Variants in MXRA7 observed in about 807,000 individuals in gnomAD.
MXRA7 encodes the protein matrix-remodeling-associated protein 7.
MXRA7 carries 18 observed loss-of-function variants against 17.4 expected under a neutral mutation model. That is an observed-to-expected ratio of 1.03 (90% confidence interval 0.71 to 1.53). The LOEUF (loss-of-function observed/expected upper bound fraction) is 1.53. MXRA7 is among the 40% of genes most tolerant of loss of function. The probability of loss-of-function intolerance (pLI) is 0.00; values close to 1 mark genes in which losing one functional copy is unlikely to be tolerated. For synonymous variants in MXRA7, 70 were observed against 101.7 expected (o/e 0.69, Z 1.87); for missense variants, 141 against 209.3 (o/e 0.67, Z 2.01).
At chr17:76,675,452 C>T, downstream of MXRA7, 1 of 128,940 alleles carries the variant, frequency 7.8e-6, no homozygotes, top group Non-Finnish European at 1.5e-5. Context: ...GGCTAGAGTG[C>T]AGTGGCGCGA....
chr17:76,682,499 T>A (rs1168887541), intron 3 of MXRA7, among the ~76,000 whole-genome samples: 2 of 152,130 alleles, frequency 1.3e-5, no homozygotes, highest in Non-Finnish European at 2.9e-5. Flanking sequence ...CAGAACTGTC[T>A]CACAGCTGCC....
At chr17:76,703,946 CA>C (rs1459224021) in intron 1 of MXRA7, among the ~76,000 whole-genome samples, 2 of 151,124 alleles carry the variant, frequency 1.3e-5, no homozygotes, top group Non-Finnish European at 2.9e-5. Flanking sequence ...CAGAAAACAG[CA>C]TCATAGCCGG....
chr17:76,688,483 G>A (rs1316295184), intron 1 of MXRA7: 62 of 1,331,306 alleles, frequency 4.7e-5, no homozygotes, highest in Non-Finnish European at 5.3e-5. Context: ...TGGAGAAGTG[G>A]GCCCAGGACT....
At chr17:76,707,373 T>C (rs1219558323) in intron 1 of MXRA7, among the ~76,000 whole-genome samples, 1 of 141,872 alleles carries the variant, frequency 7.0e-6, no homozygotes. Context: ...GGCACGATCT[T>C]GGCTCAACTG....
intron 1 of MXRA7, among the ~76,000 whole-genome samples, chr17:76,690,523 A>G (rs2076469166): frequency 6.6e-6 from 1 of 152,118 alleles, no homozygotes; most frequent in Admixed American, 6.5e-5. Context: ...CAGCCTGGCA[A>G]CATAGTGCAC....
At position 76,688,097 on chromosome 17, in the gene MXRA7, C is replaced by T. The variant is rs2076423718; in HGVS notation, c.406+16G>A. On this transcript the variant is annotated intron_variant, in intron 2 of 3. Coordinates refer to ENST00000449428, the MANE Select transcript of MXRA7 (RefSeq NM_198530.4). ...ACACTGTCAGGCCCCCTCATGAGCG[C>T]AGAGGTCCCACTCACCGTCCTCCTC... 6.2e-7 allele frequency: 1 copy of T among 1,612,594 alleles called. No individual in the cohort carries two copies. Among genetic ancestry groups the T allele is most frequent in the South Asian group, 1.1e-5 (1 of 90,992 alleles).
rs930858012 is a variant in MXRA7 at position 76,710,790 on chromosome 17, C to T, written c.157G>A (p.Ala53Thr). The T allele has an allele frequency of 2.5e-5, 24 of 965,042 alleles. No individual in the cohort carries two copies. Among genetic ancestry groups the T allele is most frequent in the Non-Finnish European group, 2.7e-5 (22 of 801,636 alleles). 59.8% of individuals were successfully genotyped at this position (965,042 alleles called of 1,614,324 possible). ...EPAPPAEATG[A>T]PAPSRPCAPE... Reference sequence around the variant, plus strand: ...GCGCAGGGGCGGGACGGCGCCGGGGCCCCGGTGGCCTCGGCCGGGGGCGCG... The same window carrying T: ...GCGCAGGGGCGGGACGGCGCCGGGGTCCCGGTGGCCTCGGCCGGGGGCGCG... Residue 53 changes from alanine to threonine, a missense_variant, in exon 1 of 4, where the codon GCC (alanine) becomes ACC (threonine). This residue lies in a region of MXRA7 where 72 missense variants were observed against 111.9 expected (regional missense o/e 0.64). Transcript: ENST00000449428.
At chr17:76,696,176 CG>C in intron 1 of MXRA7, among the ~76,000 whole-genome samples, 1 of 152,206 alleles carries the variant, frequency 6.6e-6, no homozygotes, top group Non-Finnish European at 1.5e-5. Flanking sequence ...GACACTAAAG[CG>C]TTTGGTTTCA....
intron 1 of MXRA7, chr17:76,703,749 A>G (rs1450511579): frequency 6.6e-6 from 1 of 151,584 alleles, no homozygotes; most frequent in East Asian, 1.9e-4. Context: ...TCAAAAAAAA[A>G]AGAATACATT....
downstream of MXRA7, chr17:76,676,026 CTG>C (rs1157994909): frequency 6.6e-6 from 1 of 152,218 alleles, no homozygotes; most frequent in Non-Finnish European, 1.5e-5. Context: ...TGCTCAAGAA[CTG>C]TGAATTGTCC....
chr17:76,688,159 C>T lies in MXRA7; in HGVS notation c.360G>A (p.Leu120=), dbSNP rs745851444. ...VEARQEEEQD[L]DGEKGPSSEG... Reference sequence around the variant, plus strand: ...CCGATGATGGCCCCTTCTCACCATCCAAGTCCTGCTCCTCTTCCTGCAAGA... The same window carrying T: ...CCGATGATGGCCCCTTCTCACCATCTAAGTCCTGCTCCTCTTCCTGCAAGA... The change falls in exon 2 of 4, where the codon TTG becomes TTA. Residue 120 remains leucine (L), a synonymous_variant. Coordinates refer to ENST00000449428, the MANE Select transcript of MXRA7 (RefSeq NM_198530.4). The T allele has an allele frequency of 9.3e-6, 15 of 1,614,098 alleles. No homozygotes were observed. The East Asian group carries it at 3.3e-4, about 36-fold the overall frequency.
At chr17:76,697,859 C>G (rs912354087) in intron 1 of MXRA7, among the ~76,000 whole-genome samples, 2 of 150,346 alleles carry the variant, frequency 1.3e-5, no homozygotes, top group Non-Finnish European at 2.9e-5. Flanking sequence ...CAAGCTAATT[C>G]AAGCGTGATG....
intron 1 of MXRA7, chr17:76,710,154 C>T (rs2076703533): frequency 6.5e-6 from 1 of 152,706 alleles, no homozygotes; most frequent in Non-Finnish European, 1.5e-5. Context: ...CCTCCCTCGC[C>T]CCCCGAAAGT....
chr17:76,677,572 A>C (rs745972764), downstream of MXRA7: 16 of 1,585,576 alleles, frequency 1.0e-5, no homozygotes, highest in Non-Finnish European at 1.3e-5. Context: ...GCCGCTGTGC[A>C]TCCCGTGGGC....
intron 1 of MXRA7, among the ~76,000 whole-genome samples, chr17:76,694,085 T>C (rs2076506838): frequency 6.6e-6 from 1 of 152,168 alleles, no homozygotes. Flanking sequence ...TCCATCTACT[T>C]ATCTGGATGG....
At chr17:76,704,311 T>C (rs2076629810) in intron 1 of MXRA7, among the ~76,000 whole-genome samples, 1 of 140,168 alleles carries the variant, frequency 7.1e-6, no homozygotes, top group African/African-American at 2.6e-5. Flanking sequence ...GTTCACGCCA[T>C]CCTCCTGCCT....
At chr17:76,682,704 A>T (rs774998769) in intron 3 of MXRA7, among the ~76,000 whole-genome samples, 22 of 152,238 alleles carry the variant, frequency 1.4e-4, no homozygotes, top group Non-Finnish European at 3.2e-4. Context: ...TGCCACCGGC[A>T]TGCCTAGGAG....
intron 1 of MXRA7, among the ~76,000 whole-genome samples, chr17:76,695,433 C>T (rs185111153): frequency 2.0e-5 from 3 of 152,094 alleles, no homozygotes; most frequent in East Asian, 1.9e-4. Flanking sequence ...AGAGCTCCAT[C>T]GTCTAAGGCT....
intron 1 of MXRA7, among the ~76,000 whole-genome samples, chr17:76,708,482 C>T (rs541202461): frequency 6.6e-6 from 1 of 152,284 alleles, no homozygotes; most frequent in Admixed American, 6.5e-5. Context: ...GTTATCTTCC[C>T]CAGGGGGCCT....
Sources: allele counts gnomAD v4.1 joint callset (sites outside exome capture counted in the v4.1 genomes callset), GRCh38; gene constraint gnomAD v4.1.1; regional missense constraint gnomAD v4.1.1; transcripts MANE v1.5; gene names NCBI Gene and HGNC (gene_info 2026-07-23, HGNC 2026-07-21).